The following KMO variants were observed in gnomAD, a reference collection of about 807,000 sequenced individuals.
KMO encodes the protein kynurenine 3-hydroxylase.
KMO carries 24 observed loss-of-function variants against 57.8 expected under a neutral mutation model. The observed-to-expected ratio is 0.42, with a 90% CI of 0.30 to 0.58. The LOEUF is 0.58. Ranked by LOEUF, KMO falls within the 20% of genes least tolerant of loss-of-function variation. KMO has a pLI of 0.22. For synonymous variants in KMO, 210 were observed against 193.6 expected (o/e 1.08, Z -0.70); for missense variants, 483 against 588.2 (o/e 0.82, Z 1.85).
Position 241,556,654 on chromosome 1 carries a change from C to A in KMO, c.361+994C>A, listed in dbSNP as rs575683246. 3.9e-5 allele frequency among the ~76,000 whole-genome samples: 6 copies of A among 152,118 alleles called. No homozygotes were observed. In the East Asian group the frequency reaches 1.2e-3, roughly 30 times the overall value. On this transcript the variant is annotated intron_variant, in intron 5 of 14. Transcript: ENST00000366559. Reference sequence around the variant, plus strand: ...CAGCACATTGGGAGGCCGAGGCAGGCGGATCACAAGGTCAGGAGTTTGAGA... The same window carrying A: ...CAGCACATTGGGAGGCCGAGGCAGGAGGATCACAAGGTCAGGAGTTTGAGA...
intron 1 of KMO, 117 bp downstream of exon 1, chr1:241,532,615 A>G: frequency 1.4e-6 from 1 of 710,390 alleles, no homozygotes; most frequent in Non-Finnish European, 2.4e-6. Context: ...AAACTCTGAT[A>G]TTTAAATACA....
At chr1:241,558,776 TAAA>T (rs35450168) in intron 5 of KMO, among the ~76,000 whole-genome samples, 9 of 144,946 alleles carry the variant, frequency 6.2e-5, no homozygotes, top group African/African-American at 2.0e-4. Context: ...CTAACCATGT[TAAA>T]AAAAAAAAAA....
Position 241,592,125 on chromosome 1 carries a change from A to G in KMO, c.1433A>G (p.Glu478Gly). 1 of 1,613,856 alleles carries G rather than the reference A, an allele frequency of 6.2e-7. No individual in the cohort carries two copies. The highest frequency in any genetic ancestry group is 8.5e-7 in the Non-Finnish European group (1 of 1,179,912). ...CFPAKAVDSLEQISNLISR is the reference protein window; with the variant it reads ...CFPAKAVDSLGQISNLISR The stretch of plus-strand genomic sequence containing the variant: ...CCCGCAAAGGCCGTGGACTCCCTAG[A>G]ACAAATTTCCAATCTCATTAGCAGG... Residue 478 changes from glutamate (E) to glycine (G), a missense_variant, in exon 15 of 15, where the codon GAA (glutamate) becomes GGA (glycine). Transcript: ENST00000366559.
intron 4 of KMO, among the ~76,000 whole-genome samples, chr1:241,551,608 G>A (rs1031377419): frequency 2.6e-5 from 4 of 152,202 alleles, no homozygotes; most frequent in African/African-American, 9.6e-5. Context: ...GTAACACACA[G>A]AACAGGGGGA....
At chr1:241,537,151 G>T (rs894026957) in intron 1 of KMO, among the ~76,000 whole-genome samples, 3 of 152,120 alleles carry the variant, frequency 2.0e-5, no homozygotes, top group Non-Finnish European at 2.9e-5. Flanking sequence ...ATGGGTCTCA[G>T]TTTCTTCCTC....
intron 1 of KMO, among the ~76,000 whole-genome samples, chr1:241,534,835 C>A (rs1660699628): frequency 6.6e-6 from 1 of 152,218 alleles, no homozygotes. Flanking sequence ...TCTCCCATTA[C>A]AAATAAAATA....
intron 4 of KMO, among the ~76,000 whole-genome samples, chr1:241,551,540 G>A (rs930430029): frequency 6.6e-6 from 1 of 152,154 alleles, no homozygotes. Context: ...GATGAAGATG[G>A]AGAGTTTATG....
rs572732263 is a variant in KMO, at chr1:241,549,094, A to G, written c.124+196A>G. ...TGTGGTAGGAGGATTGCTTGGACCCAGGAGGCGGAGGTTGCAGTGAGGCGA... is the reference window on the plus strand; with the variant it reads ...TGTGGTAGGAGGATTGCTTGGACCCGGGAGGCGGAGGTTGCAGTGAGGCGA... On this transcript the variant is annotated intron_variant, in intron 2 of 14. Coordinates refer to ENST00000366559, the MANE Select transcript of KMO (RefSeq NM_003679.5). Among the ~76,000 whole-genome samples the G allele has an allele frequency of 2.6e-5, 4 of 151,672 alleles. No individual in the cohort carries two copies. The East Asian group carries it at 7.7e-4, about 29-fold the overall frequency.
At chr1:241,577,957 C>T (rs1662593058) in intron 10 of KMO, among the ~76,000 whole-genome samples, 1 of 152,168 alleles carries the variant, frequency 6.6e-6, no homozygotes, top group African/African-American at 2.4e-5. Flanking sequence ...CTCCCAGATA[C>T]ATCCCTGACC....
intron 1 of KMO, among the ~76,000 whole-genome samples, chr1:241,541,088 T>C (rs1660942117): frequency 1.3e-5 from 2 of 152,030 alleles, no homozygotes; most frequent in South Asian, 4.2e-4. Flanking sequence ...AGATGACTAG[T>C]TCTAGTGCAG....
At chr1:241,558,816 A>T (rs1037749673) in intron 5 of KMO, among the ~76,000 whole-genome samples, 2 of 151,932 alleles carry the variant, frequency 1.3e-5, no homozygotes, top group African/African-American at 4.8e-5. Context: ...ATGTTTAATA[A>T]GATATTTTAA....
rs112960514 is a variant in KMO at position 241,567,221 on chromosome 1, A to G, written c.809+609A>G. 3.8e-3 allele frequency among the ~76,000 whole-genome samples: 573 copies of G among 152,286 alleles called. 7 individuals are homozygous for G. Among genetic ancestry groups the G allele is most frequent in the African/African-American group, 0.012 (516 of 41,552 alleles). ...TTAGTCAGTTCAGTGAGCCATAATA[A>G]AACTACCATAGACTCGGTGGCTTAT... is the stretch of plus-strand genomic sequence containing the variant. On this transcript the variant is annotated intron_variant, in intron 9 of 14. Transcript: ENST00000366559.
At chr1:241,588,025 C>T (rs1341246307) in intron 11 of KMO, among the ~76,000 whole-genome samples, 3 of 152,108 alleles carry the variant, frequency 2.0e-5, no homozygotes, top group African/African-American at 7.2e-5. Context: ...GAGAACTGGC[C>T]TTAAACTTAC....
intron 4 of KMO, among the ~76,000 whole-genome samples, chr1:241,552,363 A>C (rs1321480440): frequency 6.6e-6 from 1 of 152,158 alleles, no homozygotes; most frequent in East Asian, 1.9e-4. Context: ...GGCCCCACAT[A>C]CTTCAGTTTT....
chr1:241,562,687 A>G (rs1661894412), intron 7 of KMO, among the ~76,000 whole-genome samples: 1 of 152,156 alleles, frequency 6.6e-6, no homozygotes. Flanking sequence ...AAAAAATACA[A>G]AAATTAGCCA....
chr1:241,581,255 T>A (rs1662738126), intron 10 of KMO, among the ~76,000 whole-genome samples: 1 of 152,108 alleles, frequency 6.6e-6, no homozygotes, highest in South Asian at 2.1e-4. Flanking sequence ...CAGCATATAG[T>A]TGAGTCTTAT....
rs142570300 is a variant in KMO, at chr1:241,576,914, G to C, written c.957+8267G>C. Among the ~76,000 whole-genome samples the C allele has an allele frequency of 8.8e-3, 1,331 of 152,104 alleles. 91 individuals carry two copies. Among genetic ancestry groups the C allele is most frequent in the Admixed American group, 0.08 (1,227 of 15,280 alleles). On this transcript the variant is annotated intron_variant, in intron 10 of 14. Transcript: ENST00000366559. ...ATTTTACATAATCCCATATTTCTTT[G>C]AGGCTTTGTTCATTTCTTTTGATTA...
intron 10 of KMO, among the ~76,000 whole-genome samples, chr1:241,582,151 T>C (rs1044848309): frequency 2.0e-5 from 3 of 152,194 alleles, no homozygotes; most frequent in Non-Finnish European, 4.4e-5. Flanking sequence ...TTGGAGCTCC[T>C]TTTATGTTAT....
At chr1:241,554,225 T>TC (rs1217095549) in intron 4 of KMO, among the ~76,000 whole-genome samples, 7 of 144,480 alleles carry the variant, frequency 4.8e-5, no homozygotes, top group South Asian at 2.2e-4. Flanking sequence ...ATAATACTTT[T>TC]CTTTCCTTCC....
Sources: gnomAD v4.1 joint callset for allele counts (sites outside exome capture counted in the v4.1 genomes callset) on GRCh38, gnomAD v4.1.1 for gene constraint, MANE v1.5 for transcripts, NCBI Gene and HGNC (gene_info 2026-07-23, HGNC 2026-07-21) for gene names.